The following PDE9A variants were observed in gnomAD, a reference collection of about 807,000 sequenced individuals.
PDE9A encodes the protein phosphodiesterase 9A.
PDE9A carries 60 observed loss-of-function variants against 87.4 expected under a neutral mutation model. The ratio of observed to expected loss-of-function variants is 0.69; its 90% CI spans 0.56 to 0.85. The LOEUF (loss-of-function observed/expected upper bound fraction) is 0.85. Ranked by LOEUF, PDE9A falls within the 40% of genes least tolerant of loss-of-function variation. The pLI is 0.00. For missense variants in PDE9A, 665 were observed against 779.0 expected (o/e 0.85, Z 1.74); for synonymous variants, 272 against 279.4 (o/e 0.97, Z 0.27).
At chr21:42,656,292 C>A (rs907432566) in intron 1 of PDE9A, among the ~76,000 whole-genome samples, 2 of 152,204 alleles carry the variant, frequency 1.3e-5, no homozygotes, top group Non-Finnish European at 1.5e-5. Context: ...GGCCATGAGT[C>A]CTGGCGATGG....
intron 19 of PDE9A, among the ~76,000 whole-genome samples, chr21:42,774,202 A>G (rs916503046): frequency 6.6e-6 from 1 of 152,242 alleles, no homozygotes; most frequent in Non-Finnish European, 1.5e-5. Flanking sequence ...AATTCAAGAG[A>G]TAGTGCATCA....
rs533440180 is a variant in PDE9A at position 42,762,251 on chromosome 21, G to T, written c.1242+12G>T. The T allele has an allele frequency of 8.8e-5, 142 of 1,612,720 alleles. No homozygotes were observed. The highest frequency in any genetic ancestry group is 1.2e-4 in the Non-Finnish European group (138 of 1,179,126). ...AGCAGATCCGACAGGTGTGTGGGGT[G>T]AGGGCCCTCCCACCGGAGTGGGGGC... On this transcript the variant is annotated intron_variant, in intron 14 of 19. Coordinates refer to ENST00000291539, the MANE Select transcript of PDE9A (RefSeq NM_002606.3).
At chr21:42,678,660 C>A (rs2058987654) in intron 1 of PDE9A, among the ~76,000 whole-genome samples, 1 of 152,244 alleles carries the variant, frequency 6.6e-6, no homozygotes, top group Non-Finnish European at 1.5e-5. Context: ...AATTTGAAGT[C>A]GTATGTGGAA....
intron 7 of PDE9A, among the ~76,000 whole-genome samples, chr21:42,736,095 G>A (rs918267437): frequency 6.6e-6 from 1 of 151,992 alleles, no homozygotes; most frequent in Non-Finnish European, 1.5e-5. Context: ...CCTCTCTCCA[G>A]CACCTGGGTT....
chr21:42,738,863 T>C (rs2052772934), intron 7 of PDE9A, among the ~76,000 whole-genome samples: 1 of 152,152 alleles, frequency 6.6e-6, no homozygotes, highest in Non-Finnish European at 1.5e-5. Flanking sequence ...ATTTTTGTAT[T>C]TTTAGTGGAG....
At position 42,760,753 on chromosome 21, in the gene PDE9A, TCCACCCCCCCTCACCCCATC is replaced by T; in HGVS notation, c.1003-65_1003-46del. On this transcript the variant is annotated intron_variant, in intron 12 of 19. Transcript: ENST00000291539. The surrounding 1 kb of genome is among the most constrained non-coding windows in gnomAD (Gnocchi z 5.2). The stretch of plus-strand genomic sequence containing the variant: ...GTCCCCCGCTTACCACTCACCCAAT[TCCACCCCCCCTCACCCCATC>T]CCACCCTCCGAGTGAAGAGAGCAAA... 1 of 784,216 alleles carries T rather than the reference TCCACCCCCCCTCACCCCATC, an allele frequency of 1.3e-6. No homozygotes were observed. The highest frequency in any genetic ancestry group is 1.4e-5 in the South Asian group (1 of 72,808). The allele number at this position is 784,216 out of a possible 1,614,324, so 48.6% of individuals were successfully genotyped here.
intron 4 of PDE9A, 155 bp from the exon 5 acceptor site, chr21:42,731,615 C>A (rs902650201): frequency 1.8e-5 from 13 of 735,958 alleles, no homozygotes; most frequent in Non-Finnish European, 2.7e-5. Context: ...CCCAGGCCTG[C>A]CTCCCCCGTG....
intron 15 of PDE9A, among the ~76,000 whole-genome samples, chr21:42,765,913 A>G (rs1173604440): frequency 6.6e-6 from 1 of 152,188 alleles, no homozygotes; most frequent in Non-Finnish European, 1.5e-5. Flanking sequence ...CCCACACCAT[A>G]GCCCAGCACC....
chr21:42,717,911 T>TTGTTTGTA (rs1334323857), intron 4 of PDE9A, among the ~76,000 whole-genome samples: 4 of 151,600 alleles, frequency 2.6e-5, no homozygotes, highest in African/African-American at 9.7e-5. Context: ...GTTTGTTTGT[T>TTGTTTGTA]TGTTTGTTTG....
intron 1 of PDE9A, among the ~76,000 whole-genome samples, chr21:42,680,907 C>G (rs939807332): frequency 2.0e-5 from 3 of 152,220 alleles, no homozygotes; most frequent in Admixed American, 6.5e-5. Context: ...GCTGACATAA[C>G]AGTGGCTGCC....
At chr21:42,727,679 T>C (rs970498568) in intron 4 of PDE9A, among the ~76,000 whole-genome samples, 2 of 152,052 alleles carry the variant, frequency 1.3e-5, no homozygotes, top group African/African-American at 4.8e-5. Flanking sequence ...ATTGCTAGTA[T>C]ATACAATTGT....
At chr21:42,738,202 G>A (rs950892602) in intron 7 of PDE9A, among the ~76,000 whole-genome samples, 4 of 152,228 alleles carry the variant, frequency 2.6e-5, no homozygotes, top group African/African-American at 9.6e-5. Flanking sequence ...GGCCGTGGCA[G>A]GAGCTGACCG....
chr21:42,670,425 TAC>T lies in PDE9A; in HGVS notation c.70-15765_70-15764del, dbSNP rs575222181. Among the ~76,000 whole-genome samples, 188 of 98,584 alleles carry T rather than the reference TAC, an allele frequency of 1.9e-3. 1 individual carries two copies. Among genetic ancestry groups the T allele is most frequent in the East Asian group, 0.01 (22 of 2,196 alleles). 64.7% of individuals were successfully genotyped at this position (98,584 alleles called of 152,430 possible). On this transcript the variant is annotated intron_variant, in intron 1 of 19. Transcript: ENST00000291539. Reference sequence around the variant, plus strand: ...ATTCACACATACATTCACACGCACTTACAGTCACACATACACTTATACACAGT... The same window carrying T: ...ATTCACACATACATTCACACGCACTTAGTCACACATACACTTATACACAGT...
intron 1 of PDE9A, among the ~76,000 whole-genome samples, chr21:42,670,233 ATT>A (rs1464825508): frequency 9.3e-5 from 10 of 107,170 alleles, no homozygotes; most frequent in Middle Eastern, 5.1e-3. Context: ...ATACACTTAC[ATT>A]CACACTCATA....
At chr21:42,678,810 G>A (rs560271713) in intron 1 of PDE9A, among the ~76,000 whole-genome samples, 2 of 152,330 alleles carry the variant, frequency 1.3e-5, no homozygotes, top group Middle Eastern at 3.4e-3. Flanking sequence ...CTGTGGGACG[G>A]GGACAGGCAA....
intron 3 of PDE9A, chr21:42,689,563 G>C: frequency 1.0e-6 from 1 of 985,430 alleles, no homozygotes; most frequent in East Asian, 1.1e-4. Flanking sequence ...ATGCCAGCTG[G>C]GTATCTGAGA....
In PDE9A at chr21:42,714,698, A is replaced by G. The variant is rs371447874; in HGVS notation, c.262+15687A>G. ...TGTTGATATGGTTGGGGTTAGCTCT[A>G]CCAGTCTTTGTTCATATGGTTGGGG... is the stretch of plus-strand genomic sequence containing the variant. On this transcript the variant is annotated intron_variant, in intron 4 of 19. Coordinates refer to ENST00000291539, the MANE Select transcript of PDE9A (RefSeq NM_002606.3). Among the ~76,000 whole-genome samples the G allele has an allele frequency of 1.0e-4, 13 of 127,640 alleles. No individual in the cohort carries two copies. The South Asian group carries it at 1.8e-3, about 18-fold the overall frequency. The allele number at this position is 127,640 out of a possible 152,430, so 83.7% of individuals were successfully genotyped here.
In PDE9A at chr21:42,760,879, G is replaced by A. The variant is rs767637774; in HGVS notation, c.1057G>A (p.Asp353Asn). The change falls in exon 13 of 20, where the codon GAT becomes AAT. Residue 353 changes from aspartate to asparagine, a missense_variant. Transcript: ENST00000291539. This position sits in a 1 kb window ranked among gnomAD's most constrained non-coding sequence, Gnocchi z 5.2. The part of the protein sequence containing the change: ...LILMTAAICH[D>N]LDHPGYNNTY... Reference sequence around the variant, plus strand: ...CCTAATGACAGCGGCCATCTGCCACGATCTGGACCATCCCGGCTACAACAA... The same window carrying A: ...CCTAATGACAGCGGCCATCTGCCACAATCTGGACCATCCCGGCTACAACAA... 2 of 1,611,876 alleles carry A rather than the reference G, an allele frequency of 1.2e-6. No individual in the cohort carries two copies. The highest frequency in any genetic ancestry group is 1.7e-6 in the Non-Finnish European group (2 of 1,178,098).
At position 42,704,343 on chromosome 21, in the gene PDE9A, G is replaced by C. The variant is rs529582232; in HGVS notation, c.262+5332G>C. Reference sequence around the variant, plus strand: ...ACCACCTTTCCCCGCCTCTGGGTGCGTGGGGACCCCGCTCTCCAAATAGGC... The same window carrying C: ...ACCACCTTTCCCCGCCTCTGGGTGCCTGGGGACCCCGCTCTCCAAATAGGC... On this transcript the variant is annotated intron_variant, in intron 4 of 19. Transcript: ENST00000291539. This position sits in a 1 kb window ranked among gnomAD's most constrained non-coding sequence, Gnocchi z 5.3. Among the ~76,000 whole-genome samples, 3 of 151,892 alleles carry C rather than the reference G, an allele frequency of 2.0e-5. No individual in the cohort carries two copies. The highest frequency in any genetic ancestry group is 2.1e-4 in the South Asian group (1 of 4,822).
Sources: gnomAD v4.1 joint callset for allele counts (sites outside exome capture counted in the v4.1 genomes callset) on GRCh38, gnomAD v4.1.1 for gene constraint, Gnocchi (gnomAD v3.1) non-coding constraint, MANE v1.5 for transcripts, NCBI Gene and HGNC (gene_info 2026-07-23, HGNC 2026-07-21) for gene names.